SPON1: variants seen among roughly 807,000 people sequenced by gnomAD.
The protein encoded by SPON1 is spondin 1, also known as spondin-1.
A neutral mutation model predicts 111.7 loss-of-function variants in SPON1; 52 were observed. The ratio of observed to expected loss-of-function variants is 0.47; its 90% CI spans 0.37 to 0.59. The LOEUF (loss-of-function observed/expected upper bound fraction) is 0.59. SPON1 is among the 20% of genes least tolerant of loss of function. SPON1 has a pLI of 0.00. For missense variants in SPON1, 957 were observed against 1,068.5 expected (o/e 0.90, Z 1.46); for synonymous variants, 410 against 395.8 (o/e 1.04, Z -0.43).
chr11:14,128,013 C>T (rs959736653), intron 5 of SPON1, among the ~76,000 whole-genome samples: 12 of 152,236 alleles, frequency 7.9e-5, no homozygotes, highest in African/African-American at 2.9e-4. Flanking sequence ...AATCACCTCT[C>T]ACCAGGTCCC....
chr11:14,056,612 G>A (rs918809309), intron 3 of SPON1, among the ~76,000 whole-genome samples: 3 of 152,224 alleles, frequency 2.0e-5, no homozygotes, highest in Middle Eastern at 3.4e-3. Flanking sequence ...ATATAACATC[G>A]GCTGGGCACG....
intron 6 of SPON1, among the ~76,000 whole-genome samples, chr11:14,224,070 A>T (rs140953243): frequency 6.6e-6 from 1 of 152,358 alleles, no homozygotes; most frequent in Non-Finnish European, 1.5e-5. Context: ...AGACTCTAGG[A>T]GCTGCTGCTG....
intron 6 of SPON1, among the ~76,000 whole-genome samples, chr11:14,179,075 T>C (rs1554933434): frequency 6.6e-6 from 1 of 152,184 alleles, no homozygotes; most frequent in African/African-American, 2.4e-5. Flanking sequence ...CAGGGTATGG[T>C]GGTCTCTATT....
intron 6 of SPON1, among the ~76,000 whole-genome samples, chr11:14,225,086 C>T (rs971909862): frequency 3.9e-5 from 6 of 152,106 alleles, no homozygotes; most frequent in Admixed American, 6.5e-5. Flanking sequence ...TTTCCTAAGC[C>T]AGGTCTGCTC....
chr11:14,197,330 C>T (rs1450546160), intron 6 of SPON1, among the ~76,000 whole-genome samples: 1 of 152,028 alleles, frequency 6.6e-6, no homozygotes, highest in Non-Finnish European at 1.5e-5. Flanking sequence ...TTTCACTGTG[C>T]ATAGTGAGTT....
chr11:14,084,943 T>A (rs186165527), intron 5 of SPON1, among the ~76,000 whole-genome samples: 17 of 152,360 alleles, frequency 1.1e-4, no homozygotes, highest in African/African-American at 4.1e-4. Flanking sequence ...CACATAAATG[T>A]CTTCTTTTGA....
chr11:14,038,374 C>T (rs1848609674), intron 2 of SPON1, among the ~76,000 whole-genome samples: 1 of 151,714 alleles, frequency 6.6e-6, no homozygotes, highest in Non-Finnish European at 1.5e-5. Flanking sequence ...AAGGCTGAGG[C>T]AGGAAAATTG....
At chr11:14,084,154 G>T (rs11023083) in intron 5 of SPON1, among the ~76,000 whole-genome samples, 10,734 of 151,028 alleles carry the variant, frequency 0.071, 496 homozygotes, top group South Asian at 0.19. Context: ...TTAACTTTAA[G>T]TTCTGGGATA....
chr11:14,196,447 T>C (rs1554935092), intron 6 of SPON1, among the ~76,000 whole-genome samples: 1 of 152,190 alleles, frequency 6.6e-6, no homozygotes, highest in Admixed American at 6.5e-5. Flanking sequence ...TTGAGTTACT[T>C]TAAAGAGGTA....
chr11:14,037,047 A>AAG (rs1848599641), intron 2 of SPON1, among the ~76,000 whole-genome samples: 1 of 152,186 alleles, frequency 6.6e-6, no homozygotes, highest in Admixed American at 6.5e-5. Flanking sequence ...CATTGTGATG[A>AAG]AGAGAGAGAG....
chr11:14,226,700 T>G (rs1233568789), intron 6 of SPON1, among the ~76,000 whole-genome samples: 1 of 152,244 alleles, frequency 6.6e-6, no homozygotes, highest in Non-Finnish European at 1.5e-5. Context: ...ATAGGAATTA[T>G]ATCCATTCCT....
chr11:14,233,448 T>G (rs1425241364), intron 6 of SPON1, among the ~76,000 whole-genome samples: 1 of 152,180 alleles, frequency 6.6e-6, no homozygotes, highest in Non-Finnish European at 1.5e-5. Flanking sequence ...ACCACTCTTC[T>G]GCTCACAAAC....
chr11:13,996,686 T>A (rs781846169), intron 2 of SPON1, among the ~76,000 whole-genome samples: 1 of 151,800 alleles, frequency 6.6e-6, no homozygotes, highest in African/African-American at 2.4e-5. Flanking sequence ...AGGTTATATA[T>A]TATATAGAAA....
intron 6 of SPON1, among the ~76,000 whole-genome samples, chr11:14,239,547 G>A (rs893576994): frequency 6.6e-6 from 1 of 152,098 alleles, no homozygotes; most frequent in Non-Finnish European, 1.5e-5. Context: ...GCAATGTGGC[G>A]AAACCCCATC....
At chr11:14,131,925 C>A (rs781786461) in intron 5 of SPON1, among the ~76,000 whole-genome samples, 2 of 152,224 alleles carry the variant, frequency 1.3e-5, no homozygotes, top group East Asian at 1.9e-4. Flanking sequence ...CTTATTCCTT[C>A]CCCCTGGCCA....
At chr11:14,096,489 A>C (rs1003497045) in intron 5 of SPON1, among the ~76,000 whole-genome samples, 4 of 152,158 alleles carry the variant, frequency 2.6e-5, no homozygotes, top group African/African-American at 9.7e-5. Context: ...CGCCCTCTGC[A>C]TTCCAGCTGG....
intron 5 of SPON1, among the ~76,000 whole-genome samples, chr11:14,096,071 C>G (rs963548190): frequency 1.4e-4 from 22 of 152,172 alleles, no homozygotes; most frequent in Admixed American, 1.3e-4. Flanking sequence ...ACACTTGTGT[C>G]GTCATACACA....
At chr11:14,183,287 A>C (rs1848253716) in intron 6 of SPON1, among the ~76,000 whole-genome samples, 1 of 152,150 alleles carries the variant, frequency 6.6e-6, no homozygotes, top group South Asian at 2.1e-4. Flanking sequence ...TGCTAATTAG[A>C]TTGTCTCAGT....
chr11:14,119,839 C>A (rs1554926330), intron 5 of SPON1, among the ~76,000 whole-genome samples: 1 of 152,108 alleles, frequency 6.6e-6, no homozygotes, highest in Non-Finnish European at 1.5e-5. Context: ...AAACGTACAC[C>A]AAATTCTAGA....
Sources: allele counts gnomAD v4.1 joint callset (sites outside exome capture counted in the v4.1 genomes callset), GRCh38; gene constraint gnomAD v4.1.1; transcripts MANE v1.5; gene names NCBI Gene and HGNC (gene_info 2026-07-23, HGNC 2026-07-21).